The following TENM3 variants were observed in gnomAD, a reference collection of about 807,000 sequenced individuals.
The protein encoded by TENM3 is teneurin-3.
In TENM3, 63 loss-of-function variants were observed where a neutral mutation model predicts 255.1. That is an observed-to-expected ratio of 0.25 (90% CI 0.20 to 0.30). The LOEUF (loss-of-function observed/expected upper bound fraction) is 0.30. TENM3 is among the 10% of genes least tolerant of loss of function. The pLI, the probability that TENM3 is intolerant of heterozygous loss-of-function variation, is 1.00. For synonymous variants in TENM3, 1,306 were observed against 1,322.3 expected (o/e 0.99, Z 0.27); for missense variants, 2,929 against 3,461.1 (o/e 0.85, Z 3.86).
intron 1 of TENM3, among the ~76,000 whole-genome samples, chr4:182,266,616 G>A (rs1046473839): frequency 1.3e-5 from 2 of 151,984 alleles, no homozygotes; most frequent in Admixed American, 6.5e-5. Context: ...TTAAAAATTG[G>A]GTTTAACATG....
the TENM3 span, among the ~76,000 whole-genome samples, chr4:181,514,088 T>C: frequency 6.6e-6 from 1 of 152,214 alleles, no homozygotes; most frequent in Non-Finnish European, 1.5e-5. Context: ...TGTATTTTAA[T>C]TGTATGAAAT....
At chr4:182,231,561 G>C (rs1012825554) in intron 1 of TENM3, among the ~76,000 whole-genome samples, 31 of 152,190 alleles carry the variant, frequency 2.0e-4, no homozygotes, top group African/African-American at 7.0e-4. Context: ...AAAAAGTGCA[G>C]AGAACCCTGG....
chr4:182,168,991 G>A (rs1024071440), intron 1 of TENM3, among the ~76,000 whole-genome samples: 2 of 151,454 alleles, frequency 1.3e-5, no homozygotes, highest in Non-Finnish European at 2.9e-5. Context: ...TCATTCACAT[G>A]GTCCAAAGTG....
the TENM3 span, among the ~76,000 whole-genome samples, chr4:181,658,014 A>G: frequency 6.6e-6 from 1 of 152,148 alleles, no homozygotes; most frequent in African/African-American, 2.4e-5. Flanking sequence ...GGAAGAGACA[A>G]AGGCTAAAAA....
At position 182,364,584 on chromosome 4, in the gene TENM3, T is replaced by C. The variant is rs137895197; in HGVS notation, c.511+17655T>C. On this transcript the variant is annotated intron_variant, in intron 3 of 27. Coordinates refer to ENST00000511685, the MANE Select transcript of TENM3 (RefSeq NM_001080477.4). ...GGCGCCCACCACCACGCCCGGCTAA[T>C]TTTTTGTATTTTGTTTAGTAGAGAC... Among the ~76,000 whole-genome samples, 1,362 of 152,106 alleles carry C rather than the reference T, an allele frequency of 9.0e-3. 18 individuals are homozygous for C. The highest frequency in any genetic ancestry group is 0.067 in the East Asian group (345 of 5,126).
At chr4:181,568,664 A>G in the TENM3 span, among the ~76,000 whole-genome samples, 5 of 152,114 alleles carry the variant, frequency 3.3e-5, no homozygotes, top group African/African-American at 1.2e-4. Flanking sequence ...TTTCTTTCTC[A>G]GGCAATAGAG....
the TENM3 span, among the ~76,000 whole-genome samples, chr4:181,838,125 C>T: frequency 2.2e-3 from 290 of 134,672 alleles, 3 homozygotes; most frequent in Non-Finnish European, 3.7e-3. Flanking sequence ...GGCAACAGAG[C>T]AAGACTCCAT....
intron 1 of TENM3, among the ~76,000 whole-genome samples, chr4:182,204,738 A>C (rs1754434601): frequency 6.6e-6 from 1 of 152,208 alleles, no homozygotes; most frequent in South Asian, 2.1e-4. Flanking sequence ...TACAGAATTC[A>C]AGCATTAAAT....
At chr4:181,838,378 G>T in the TENM3 span, among the ~76,000 whole-genome samples, 1 of 152,126 alleles carries the variant, frequency 6.6e-6, no homozygotes, top group African/African-American at 2.4e-5. Context: ...CACTTCAAAA[G>T]AATTGATGTG....
chr4:181,975,164 G>T, the TENM3 span: 5 of 147,900 alleles, frequency 3.4e-5, no homozygotes, highest in Non-Finnish European at 5.9e-5. Flanking sequence ...TTGAAACAGG[G>T]TCTCACTCTG....
chr4:182,410,955 G>A (rs749402878), intron 3 of TENM3, among the ~76,000 whole-genome samples: 10 of 152,070 alleles, frequency 6.6e-5, no homozygotes, highest in African/African-American at 2.4e-4. Flanking sequence ...TTCATGAAAC[G>A]AGCATATATC....
At chr4:182,182,718 A>G (rs762480384) in intron 1 of TENM3, among the ~76,000 whole-genome samples, 5 of 152,184 alleles carry the variant, frequency 3.3e-5, no homozygotes, top group African/African-American at 4.8e-5. Flanking sequence ...GGTAACTTCT[A>G]TGAACCTCTA....
At chr4:181,738,743 G>A in the TENM3 span, among the ~76,000 whole-genome samples, 1 of 151,930 alleles carries the variant, frequency 6.6e-6, no homozygotes, top group African/African-American at 2.4e-5. Context: ...TTATGGAGGG[G>A]GAGGGGTTAA....
At chr4:182,597,989 G>A (rs1246327499) in intron 3 of TENM3, among the ~76,000 whole-genome samples, 1 of 152,088 alleles carries the variant, frequency 6.6e-6, no homozygotes, top group South Asian at 2.1e-4. Flanking sequence ...AGACCAGTCT[G>A]GGCAACATAG....
the TENM3 span, among the ~76,000 whole-genome samples, chr4:181,520,638 AT>A: frequency 2.0e-5 from 3 of 152,188 alleles, no homozygotes; most frequent in Non-Finnish European, 4.4e-5. Flanking sequence ...TTTTCAGGAA[AT>A]AAAAGAATAG....
upstream of TENM3, among the ~76,000 whole-genome samples, chr4:182,139,912 C>T (rs1749278463): frequency 6.6e-6 from 1 of 152,198 alleles, no homozygotes; most frequent in Non-Finnish European, 1.5e-5. Context: ...CATCACCAGT[C>T]CATTCAGTGG....
chr4:181,984,423 T>C, the TENM3 span, among the ~76,000 whole-genome samples: 2 of 152,118 alleles, frequency 1.3e-5, no homozygotes, highest in African/African-American at 2.4e-5. Context: ...TTCTATTTTA[T>C]GGATTGTTTA....
chr4:182,201,057 T>G (rs568650331), intron 1 of TENM3, among the ~76,000 whole-genome samples: 10 of 152,052 alleles, frequency 6.6e-5, no homozygotes, highest in Non-Finnish European at 1.3e-4. Flanking sequence ...ACTCCTGACC[T>G]CAGGTGATCC....
chr4:182,531,602 A>G (rs940575572), intron 3 of TENM3, among the ~76,000 whole-genome samples: 6 of 152,192 alleles, frequency 3.9e-5, no homozygotes, highest in Admixed American at 2.6e-4. Context: ...CAAAAGGAAA[A>G]GACATGTGGG....
Sources: allele counts gnomAD v4.1 joint callset (sites outside exome capture counted in the v4.1 genomes callset), GRCh38; gene constraint gnomAD v4.1.1; transcripts MANE v1.5; gene names NCBI Gene and HGNC (gene_info 2026-07-23, HGNC 2026-07-21).